The following MED15 variants were observed in gnomAD, a reference collection of about 807,000 sequenced individuals.
MED15 encodes mediator of RNA polymerase II transcription subunit 15.
MED15 carries 41 observed loss-of-function variants against 118.7 expected under a neutral mutation model. That is an observed-to-expected ratio of 0.35 (90% confidence interval 0.27 to 0.45). MED15 has a LOEUF of 0.45. Ranked by LOEUF, MED15 falls within the 20% of genes least tolerant of loss-of-function variation. MED15 has a pLI of 1.00. For missense variants in MED15, 740 were observed against 1,025.5 expected (o/e 0.72, Z 3.80); for synonymous variants, 436 against 413.9 (o/e 1.05, Z -0.65).
intron 2 of MED15, among the ~76,000 whole-genome samples, chr22:20,543,715 G>A (rs182605797): frequency 4.6e-5 from 7 of 150,998 alleles, no homozygotes; most frequent in East Asian, 2.0e-4. Context: ...CCACCACCAC[G>A]CCCGGCTAAT....
chr22:20,537,189 G>A lies in MED15; in HGVS notation c.141G>A (p.Leu47=). Residue 47 remains leucine (L), a synonymous_variant, in exon 2 of 18, where the codon CTG becomes CTA. Coordinates refer to ENST00000263205, the MANE Select transcript of MED15 (RefSeq NM_001003891.3). ...SSKDMESHVF[L]KAKTRDEYLS... ...AGGATATGGAGAGCCATGTTTTCCTGAAGGCCAAGACCCGGGTAAGGCCCT... is the reference window on the plus strand; with the variant it reads ...AGGATATGGAGAGCCATGTTTTCCTAAAGGCCAAGACCCGGGTAAGGCCCT... 1.2e-6 allele frequency: 2 copies of A among 1,613,754 alleles called. No homozygotes were observed. Among genetic ancestry groups the A allele is most frequent in the Non-Finnish European group, 1.7e-6 (2 of 1,179,842 alleles).
At chr22:20,531,358 C>G (rs2054855954) in intron 1 of MED15, among the ~76,000 whole-genome samples, 1 of 152,250 alleles carries the variant, frequency 6.6e-6, no homozygotes, top group African/African-American at 2.4e-5. Context: ...TCCTCACTGC[C>G]TGGCCCTGTC....
intron 2 of MED15, among the ~76,000 whole-genome samples, chr22:20,537,541 G>A (rs1371658749): frequency 1.3e-5 from 2 of 152,202 alleles, no homozygotes; most frequent in Non-Finnish European, 2.9e-5. Flanking sequence ...CAAGAACCTG[G>A]TTTGTCCTCA....
Position 20,528,634 on chromosome 22 carries a change from C to T in MED15, c.69-8483C>T, listed in dbSNP as rs151007014. On this transcript the variant is annotated intron_variant, in intron 1 of 17. Coordinates refer to ENST00000263205, the MANE Select transcript of MED15 (RefSeq NM_001003891.3). Reference sequence around the variant, plus strand: ...AGGGCTTGGGGACCCTGCCCTAGAGCATGGTCTTCCAGACACTGGGCTGTG... The same window carrying T: ...AGGGCTTGGGGACCCTGCCCTAGAGTATGGTCTTCCAGACACTGGGCTGTG... Among the ~76,000 whole-genome samples, 5 of 152,306 alleles carry T rather than the reference C, an allele frequency of 3.3e-5. No individual in the cohort carries two copies. The East Asian group carries it at 9.6e-4, about 29-fold the overall frequency.
At chr22:20,509,659 A>G (rs1038189478) in intron 1 of MED15, among the ~76,000 whole-genome samples, 3 of 152,122 alleles carry the variant, frequency 2.0e-5, no homozygotes, top group Admixed American at 1.3e-4. Context: ...AGTACAGTGG[A>G]AAGAGTAGGG....
At position 20,553,775 on chromosome 22, in the gene MED15, G is replaced by A. The variant is rs575290314; in HGVS notation, c.238+601G>A. On this transcript the variant is annotated intron_variant, in intron 4 of 17. Coordinates refer to ENST00000263205, the MANE Select transcript of MED15 (RefSeq NM_001003891.3). ...AGTCCCAACTACTCAGGAGGCTGAG[G>A]CATGAGAATCGCTTGAACCTGGGAG... Among the ~76,000 whole-genome samples, 5 of 152,262 alleles carry A rather than the reference G, an allele frequency of 3.3e-5. No individual in the cohort carries two copies. In the East Asian group the frequency reaches 9.7e-4, roughly 29 times the overall value.
At chr22:20,524,184 A>T (rs1482313401) in intron 1 of MED15, 1 of 152,240 alleles carries the variant, frequency 6.6e-6, no homozygotes, top group Non-Finnish European at 1.5e-5. Flanking sequence ...CAGCTGCCTG[A>T]GAGATAGAGA....
chr22:20,585,449 C>A, intron 16 of MED15, 182 bp downstream of exon 16: 1 of 837,998 alleles, frequency 1.2e-6, no homozygotes, highest in Non-Finnish European at 1.8e-6. Flanking sequence ...GCCTCAGTCC[C>A]CACTGCCAGA....
At chr22:20,545,991 C>T (rs779390328) in intron 2 of MED15, among the ~76,000 whole-genome samples, 1 of 152,208 alleles carries the variant, frequency 6.6e-6, no homozygotes, top group Non-Finnish European at 1.5e-5. Context: ...TGTATCTCTG[C>T]TGAGCATCTC....
chr22:20,562,727 A>G (rs1354800772), intron 5 of MED15, among the ~76,000 whole-genome samples: 4 of 152,152 alleles, frequency 2.6e-5, no homozygotes, highest in Admixed American at 2.6e-4. Flanking sequence ...GAAATCTGTC[A>G]CAAAATAAAT....
At chr22:20,520,075 G>A (rs772449672) in intron 1 of MED15, among the ~76,000 whole-genome samples, 23 of 152,188 alleles carry the variant, frequency 1.5e-4, no homozygotes, top group Non-Finnish European at 3.1e-4. Context: ...GTGAGCTGGA[G>A]GGCTGAAGGG....
chr22:20,564,131 G>C (rs537270723), intron 5 of MED15, among the ~76,000 whole-genome samples: 1 of 152,208 alleles, frequency 6.6e-6, no homozygotes, highest in African/African-American at 2.4e-5. Flanking sequence ...CAAAGAGTCC[G>C]GAAGTGGCCA....
At chr22:20,550,721 A>G (rs1054648499) in intron 2 of MED15, among the ~76,000 whole-genome samples, 3 of 152,392 alleles carry the variant, frequency 2.0e-5, no homozygotes, top group African/African-American at 7.2e-5. Flanking sequence ...CACAGTAGTG[A>G]TTTCCCTGAA....
chr22:20,583,772 A>G, intron 13 of MED15: 1 of 276,648 alleles, frequency 3.6e-6, no homozygotes, highest in South Asian at 5.1e-5. Context: ...ACTGCATCTC[A>G]GTTACCCCAT....
At chr22:20,578,633 T>C (rs2056891284) in intron 9 of MED15, among the ~76,000 whole-genome samples, 1 of 152,178 alleles carries the variant, frequency 6.6e-6, no homozygotes, top group African/African-American at 2.4e-5. Context: ...ACGTATCTGT[T>C]GATCTCACCA....
intron 1 of MED15, among the ~76,000 whole-genome samples, chr22:20,518,368 G>C (rs1172316656): frequency 6.6e-6 from 1 of 152,078 alleles, no homozygotes; most frequent in African/African-American, 2.4e-5. Flanking sequence ...GTCCTTCCAA[G>C]TTACCTTTCT....
At chr22:20,551,960 C>T (rs930532253) in intron 3 of MED15, among the ~76,000 whole-genome samples, 2 of 152,170 alleles carry the variant, frequency 1.3e-5, no homozygotes, top group African/African-American at 2.4e-5. Context: ...TGAGGGCCCC[C>T]GTGTTAACCT....
intron 2 of MED15, among the ~76,000 whole-genome samples, chr22:20,542,694 T>C (rs531657012): frequency 2.7e-4 from 41 of 152,352 alleles, no homozygotes; most frequent in African/African-American, 8.7e-4. Flanking sequence ...TTCTAAAATT[T>C]TGGGAGTTCT....
chr22:20,528,330 C>G (rs779711544), intron 1 of MED15, among the ~76,000 whole-genome samples: 1 of 152,184 alleles, frequency 6.6e-6, no homozygotes, highest in Non-Finnish European at 1.5e-5. Context: ...ACCGGTTTCA[C>G]AGAAGACAAT....
Sources: allele counts gnomAD v4.1 joint callset (sites outside exome capture counted in the v4.1 genomes callset), GRCh38; gene constraint gnomAD v4.1.1; transcripts MANE v1.5; gene names NCBI Gene and HGNC (gene_info 2026-07-23, HGNC 2026-07-21).